CHD7: variants seen among roughly 807,000 people sequenced by gnomAD.
The protein encoded by CHD7 is ATP-dependent chromatin remodeler CHD7.
CHD7 carries 24 observed loss-of-function variants against 307.3 expected under a neutral mutation model. That is an observed-to-expected ratio of 0.08 (90% CI 0.06 to 0.11). The LOEUF (loss-of-function observed/expected upper bound fraction) is 0.11. Ranked by LOEUF, CHD7 falls within the 10% of genes least tolerant of loss-of-function variation. The pLI, the probability that CHD7 is intolerant of heterozygous loss-of-function variation, is 1.00. For missense variants in CHD7, 3,106 were observed against 3,727.1 expected, an observed-to-expected ratio of 0.83 and a Z score of 4.34; for synonymous variants, 1,363 against 1,349.9, an observed-to-expected ratio of 1.01 and a Z score of -0.21.
chr8:60,850,685 T>G (rs763989064), intron 26 of CHD7, 63 bp downstream of exon 26: 11 of 1,514,532 alleles, frequency 7.3e-6, no homozygotes, highest in Non-Finnish European at 9.0e-6. Context: ...TTGGCAGGGT[T>G]CAGTTCTTAC....
At chr8:60,797,233 C>A (rs1366280144) in intron 4 of CHD7, among the ~76,000 whole-genome samples, 2 of 151,998 alleles carry the variant, frequency 1.3e-5, no homozygotes, top group Non-Finnish European at 2.9e-5. Context: ...AATGTAAGAT[C>A]AATTATTATT....
rs187287895 is a variant in CHD7, at chr8:60,731,654, A to G, written c.-174-9605A>G. Among the ~76,000 whole-genome samples the G allele has an allele frequency of 1.1e-4, 16 of 152,360 alleles. No individual in the cohort carries two copies. In the East Asian group the frequency reaches 3.1e-3, roughly 29 times the overall value. On this transcript the variant is annotated intron_variant, in intron 1 of 37. Coordinates refer to ENST00000423902, the MANE Select transcript of CHD7 (RefSeq NM_017780.4). ...GCCTTAATTCCATCTCCTTTGTCAA[A>G]TATAACTTGATTTGAAACCAAAATT... is the stretch of plus-strand genomic sequence containing the variant.
chr8:60,848,468 C>G (rs771505218), intron 23 of CHD7, 47 bp from the exon 24 acceptor site: 12 of 1,382,928 alleles, frequency 8.7e-6, no homozygotes, highest in Admixed American at 3.8e-5. Context: ...TGTTGGCAAA[C>G]AGTCCTGAAG....
intron 1 of CHD7, among the ~76,000 whole-genome samples, chr8:60,681,249 T>C (rs957126119): frequency 1.3e-4 from 20 of 152,244 alleles, no homozygotes; most frequent in Admixed American, 1.0e-3. Context: ...GTAATTCCTA[T>C]TTCAGAAATA....
intron 34 of CHD7, among the ~76,000 whole-genome samples, chr8:60,859,992 G>A (rs1485788460): frequency 1.3e-5 from 2 of 152,066 alleles, no homozygotes; most frequent in Admixed American, 1.3e-4. Flanking sequence ...GACCATTTAG[G>A]AATATTGCAA....
Position 60,719,038 on chromosome 8 carries a change from G to T in CHD7, c.-174-22221G>T, listed in dbSNP as rs149086028. Among the ~76,000 whole-genome samples the T allele has an allele frequency of 5.9e-5, 9 of 152,348 alleles. No individual in the cohort carries two copies. The East Asian group carries it at 1.7e-3, about 29-fold the overall frequency. Reference sequence around the variant, plus strand: ...AGGAGGCTGTACCATCTTGGTTTGTGTAAGTGCACTCTGTGATGTTTGCAC... The same window carrying T: ...AGGAGGCTGTACCATCTTGGTTTGTTTAAGTGCACTCTGTGATGTTTGCAC... On this transcript the variant is annotated intron_variant, in intron 1 of 37. Transcript: ENST00000423902.
rs1806230183 is a variant in CHD7, at chr8:60,866,000, C to T, written c.*67C>T. 1 of 1,364,904 alleles carries T rather than the reference C, an allele frequency of 7.3e-7. No individual in the cohort carries two copies. The highest frequency in any genetic ancestry group is 1.0e-6 in the Non-Finnish European group (1 of 981,408). 84.5% of individuals were successfully genotyped at this position (1,364,904 alleles called of 1,614,324 possible). A position where few individuals can be genotyped will look rare whatever the true frequency, so the allele number is the denominator to read the frequency against. Reference sequence around the variant, plus strand: ...GTGGTAGTCCTACTGTTTACACTCACAGTTAATGTTCATACCTAGTTTTAT... The same window carrying T: ...GTGGTAGTCCTACTGTTTACACTCATAGTTAATGTTCATACCTAGTTTTAT... On this transcript the variant is annotated 3_prime_UTR_variant, in exon 38 of 38. Coordinates refer to ENST00000423902, the MANE Select transcript of CHD7 (RefSeq NM_017780.4). This position sits in a 1 kb window ranked among gnomAD's most constrained non-coding sequence, Gnocchi z 4.3.
chr8:60,855,744 CATGT>C lies in CHD7; in HGVS notation c.6937-230_6937-227del, dbSNP rs536845343. Among the ~76,000 whole-genome samples the C allele has an allele frequency of 3.9e-5, 6 of 152,326 alleles. 1 individual carries two copies. Among genetic ancestry groups the C allele is most frequent in the African/African-American group, 1.4e-4 (6 of 41,588 alleles). ...GTTCAGTGTTCGTAATTAAAAATAGCATGTTTTCTGTGTTGAAGCCACCTAGGAC... is the reference window on the plus strand; with the variant it reads ...GTTCAGTGTTCGTAATTAAAAATAGCTTTCTGTGTTGAAGCCACCTAGGAC... On this transcript the variant is annotated intron_variant, in intron 32 of 37. Coordinates refer to ENST00000423902, the MANE Select transcript of CHD7 (RefSeq NM_017780.4).
chr8:60,760,777 A>G (rs1419966993), intron 2 of CHD7, among the ~76,000 whole-genome samples: 1 of 151,512 alleles, frequency 6.6e-6, no homozygotes, highest in South Asian at 2.1e-4. Context: ...AGAAATGCAA[A>G]TCAAAACCAC....
At chr8:60,689,509 A>C (rs1411776341) in intron 1 of CHD7, among the ~76,000 whole-genome samples, 3 of 152,240 alleles carry the variant, frequency 2.0e-5, no homozygotes, top group African/African-American at 7.2e-5. Context: ...TTGGGACTCA[A>C]AGCAGGACAG....
Position 60,701,902 on chromosome 8 carries a change from G to T in CHD7, c.-175+22820G>T, listed in dbSNP as rs145989602. ...GATGTAGGGTTGTTTTCTGCACCCA[G>T]TGCCAATCCTTAAGTTCTGGTGTTG... On this transcript the variant is annotated intron_variant, in intron 1 of 37. Coordinates refer to ENST00000423902, the MANE Select transcript of CHD7 (RefSeq NM_017780.4). Among the ~76,000 whole-genome samples the T allele has an allele frequency of 4.7e-3, 710 of 152,354 alleles. 2 individuals are homozygous for T. Among genetic ancestry groups the T allele is most frequent in the African/African-American group, 0.016 (669 of 41,598 alleles).
Position 60,857,558 on chromosome 8 carries a change from T to A in CHD7, c.7608+670T>A, listed in dbSNP as rs185618582. On this transcript the variant is annotated intron_variant, in intron 34 of 37. Coordinates refer to ENST00000423902, the MANE Select transcript of CHD7 (RefSeq NM_017780.4). ...AAGAGCACAATTACATGTGCTTTTT[T>A]AAAAAATGGTTTAGCACTATATATC... Among the ~76,000 whole-genome samples, 674 of 152,298 alleles carry A rather than the reference T, an allele frequency of 4.4e-3. 6 individuals are homozygous for A. The highest frequency in any genetic ancestry group is 0.016 in the African/African-American group (648 of 41,562).
chr8:60,698,976 G>A (rs1345296535), intron 1 of CHD7, among the ~76,000 whole-genome samples: 1 of 152,112 alleles, frequency 6.6e-6, no homozygotes, highest in Non-Finnish European at 1.5e-5. Flanking sequence ...GAGAGATGGG[G>A]TTTCACCATG....
At chr8:60,827,004 G>A (rs1200492958) in intron 13 of CHD7, among the ~76,000 whole-genome samples, 4 of 152,170 alleles carry the variant, frequency 2.6e-5, no homozygotes, top group Admixed American at 6.5e-5. Context: ...TAGTAATCGT[G>A]TATTTTTTAA....
Position 60,812,589 on chromosome 8 carries a change from G to C in CHD7, c.2499-3798G>C, listed in dbSNP as rs191615138. 5.9e-3 allele frequency among the ~76,000 whole-genome samples: 886 copies of C among 151,154 alleles called. 5 individuals are homozygous for C. Among genetic ancestry groups the C allele is most frequent in the Non-Finnish European group, 7.3e-3 (494 of 67,752 alleles). On this transcript the variant is annotated intron_variant, in intron 7 of 37. Transcript: ENST00000423902. Reference sequence around the variant, plus strand: ...TGAGGCAGGAGAATCGCTTGAACCCGGGAGGCAGAGGTGGCAGTGAGCCGA... The same window carrying C: ...TGAGGCAGGAGAATCGCTTGAACCCCGGAGGCAGAGGTGGCAGTGAGCCGA...
At chr8:60,768,938 T>C (rs1234429074) in intron 2 of CHD7, among the ~76,000 whole-genome samples, 2 of 152,186 alleles carry the variant, frequency 1.3e-5, no homozygotes, top group African/African-American at 4.8e-5. Flanking sequence ...TCACCCCAAA[T>C]TGTATTTTAA....
In CHD7 at chr8:60,865,894, TG is replaced by T; in HGVS notation, c.8962del (p.Asp2988MetfsTer3). 2.5e-6 allele frequency: 4 copies of T among 1,609,268 alleles called. No individual in the cohort carries two copies. Among genetic ancestry groups the T allele is most frequent in the Admixed American group, 1.7e-5 (1 of 59,188 alleles). ...AQGEELDSLD[G>X]GDEIENNEND... ...AGGGTGAAGAGCTAGACTCACTTGA[TG>T]GGGGGGATGAAATAGAAAACAATGA... On this transcript the variant is annotated frameshift_variant, in exon 38 of 38. Transcript: ENST00000423902. LOFTEE classifies it high-confidence loss of function. This position sits in a 1 kb window ranked among gnomAD's most constrained non-coding sequence, Gnocchi z 4.3.
At chr8:60,755,444 C>G (rs1020998155) in intron 2 of CHD7, among the ~76,000 whole-genome samples, 1 of 151,964 alleles carries the variant, frequency 6.6e-6, no homozygotes, top group South Asian at 2.1e-4. Flanking sequence ...AAGAGTGGTT[C>G]TGTCTTTGCT....
chr8:60,841,134 A>C (rs980941743), intron 19 of CHD7, among the ~76,000 whole-genome samples: 3 of 152,138 alleles, frequency 2.0e-5, no homozygotes, highest in African/African-American at 7.2e-5. Context: ...AAACTCTGTT[A>C]ACTCTGTTAA....
Sources: allele counts gnomAD v4.1 joint callset (sites outside exome capture counted in the v4.1 genomes callset), GRCh38; gene constraint gnomAD v4.1.1; non-coding constraint Gnocchi (gnomAD v3.1); transcripts MANE v1.5; gene names NCBI Gene and HGNC (gene_info 2026-07-23, HGNC 2026-07-21).